The following CLYBL variants were observed in gnomAD, a reference collection of about 807,000 sequenced individuals.
CLYBL encodes citramalyl-CoA lyase.
Under a neutral mutation model 38.9 loss-of-function variants are expected in CLYBL, and 31 were observed. The observed-to-expected ratio is 0.80, with a 90% CI of 0.60 to 1.08. The LOEUF is 1.08. Among genes scored for constraint, CLYBL ranks in the 50% least tolerant of loss-of-function variants. The pLI is 0.00. For missense variants in CLYBL, 434 were observed against 411.6 expected, an observed-to-expected ratio of 1.05 and a Z score of -0.47; for synonymous variants, 171 against 158.6, an observed-to-expected ratio of 1.08 and a Z score of -0.59.
chr13:99,679,943 C>T (rs536555593), intron 1 of CLYBL, among the ~76,000 whole-genome samples: 1 of 152,192 alleles, frequency 6.6e-6, no homozygotes, highest in Non-Finnish European at 1.5e-5. Flanking sequence ...AATGCATGTA[C>T]TTAGGCATTA....
At chr13:99,660,711 C>T (rs918390325) in intron 1 of CLYBL, among the ~76,000 whole-genome samples, 2 of 152,092 alleles carry the variant, frequency 1.3e-5, no homozygotes, top group African/African-American at 4.8e-5. Context: ...CTATGTATCC[C>T]GTCTACATAA....
chr13:99,717,652 G>A (rs1460401387), intron 1 of CLYBL, among the ~76,000 whole-genome samples: 1 of 151,802 alleles, frequency 6.6e-6, no homozygotes, highest in African/African-American at 2.4e-5. Flanking sequence ...TAGTGATGGG[G>A]TTTTGCCATA....
At chr13:99,844,502 G>T (rs1341216242) in intron 2 of CLYBL, among the ~76,000 whole-genome samples, 1 of 152,192 alleles carries the variant, frequency 6.6e-6, no homozygotes. Flanking sequence ...GGACACCATT[G>T]GTCCTCTCTG....
chr13:99,680,245 C>T (rs2047715864), intron 1 of CLYBL, among the ~76,000 whole-genome samples: 1 of 152,170 alleles, frequency 6.6e-6, no homozygotes, highest in Admixed American at 6.5e-5. Flanking sequence ...TTCTAGAGCA[C>T]CATTTGTACT....
chr13:99,836,378 G>A (rs1180179908), intron 2 of CLYBL, among the ~76,000 whole-genome samples: 3 of 152,222 alleles, frequency 2.0e-5, no homozygotes, highest in African/African-American at 7.2e-5. Context: ...AGCACACAGA[G>A]TGGACAGTGT....
rs753874414 is a variant in CLYBL, at chr13:99,620,778, AAAAG to A, written c.62+14033_62+14036del. Among the ~76,000 whole-genome samples, 238 of 151,522 alleles carry A rather than the reference AAAAG, an allele frequency of 1.6e-3. 1 individual carries two copies. The highest frequency in any genetic ancestry group is 3.9e-3 in the African/African-American group (160 of 41,304). On this transcript the variant is annotated intron_variant, in intron 1 of 8. Transcript: ENST00000339105. The stretch of plus-strand genomic sequence containing the variant: ...GGTGACAGTGAGACTCTGTCTCAAA[AAAAG>A]AAAGAAAGAAAAAGAGAGAGAGAGA...
intron 2 of CLYBL, among the ~76,000 whole-genome samples, chr13:99,853,466 A>C (rs2051380556): frequency 6.6e-6 from 1 of 152,246 alleles, no homozygotes; most frequent in Non-Finnish European, 1.5e-5. Flanking sequence ...ATCAGCACAT[A>C]CAATTTTAAG....
Position 99,638,705 on chromosome 13 carries a change from T to G in CLYBL, c.62+31948T>G, listed in dbSNP as rs111291411. ...ACAACTGTGTGAGATAAGTTTTATT[T>G]ATTGTTACCATTTTTCCAAGGAGGA... On this transcript the variant is annotated intron_variant, in intron 1 of 8. Transcript: ENST00000339105. Among the ~76,000 whole-genome samples the G allele has an allele frequency of 4.8e-3, 730 of 152,348 alleles. 10 individuals carry two copies. The highest frequency in any genetic ancestry group is 0.016 in the African/African-American group (669 of 41,568).
At chr13:99,625,767 A>T (rs1198132613) in intron 1 of CLYBL, among the ~76,000 whole-genome samples, 1 of 152,198 alleles carries the variant, frequency 6.6e-6, no homozygotes, top group East Asian at 1.9e-4. Context: ...TCCCTCCTTT[A>T]TACATTCTTC....
At chr13:99,899,598 G>A (rs1409580398), downstream of CLYBL, among the ~76,000 whole-genome samples, 18 of 152,066 alleles carry the variant, frequency 1.2e-4, no homozygotes, top group Admixed American at 1.1e-3. Context: ...AGAAGAGGAG[G>A]GCTATGGTGG....
intron 1 of CLYBL, among the ~76,000 whole-genome samples, chr13:99,713,334 C>CTTTTTTTTTT (rs759844768): frequency 9.8e-6 from 1 of 101,682 alleles, no homozygotes; most frequent in Non-Finnish European, 2.0e-5. Flanking sequence ...TTCTCTATTT[C>CTTTTTTTTTT]TTTTTTTTTT....
chr13:99,865,160 C>T lies in CLYBL; in HGVS notation c.634+249C>T. ...TATAAAAGACACGAGCAATAGAAAGCCTGTTGCAGCCCCAGGCATGCTCAG... is the reference window on the plus strand; with the variant it reads ...TATAAAAGACACGAGCAATAGAAAGTCTGTTGCAGCCCCAGGCATGCTCAG... On this transcript the variant is annotated intron_variant, in intron 5 of 8. Transcript: ENST00000339105. The surrounding 1 kb of genome is among the most constrained non-coding windows in gnomAD (Gnocchi z 4.7). The T allele has an allele frequency of 2.2e-6, 1 of 464,308 alleles. No homozygotes were observed. Among genetic ancestry groups the T allele is most frequent in the South Asian group, 1.9e-5 (1 of 52,364 alleles). The allele number at this position is 464,308 out of a possible 1,614,324, so 28.8% of individuals were successfully genotyped here.
intron 1 of CLYBL, among the ~76,000 whole-genome samples, chr13:99,613,136 C>A (rs1161681514): frequency 6.6e-6 from 1 of 151,982 alleles, no homozygotes; most frequent in Non-Finnish European, 1.5e-5. Context: ...CCTGTAATCT[C>A]TTTTCATTTC....
intron 1 of CLYBL, among the ~76,000 whole-genome samples, chr13:99,708,502 G>A (rs184976089): frequency 2.0e-5 from 3 of 152,324 alleles, no homozygotes; most frequent in Admixed American, 1.3e-4. Context: ...GGACCCATGA[G>A]GGCCAGGTTC....
intron 1 of CLYBL, among the ~76,000 whole-genome samples, chr13:99,770,990 G>A (rs939561057): frequency 2.0e-4 from 30 of 147,192 alleles, no homozygotes; most frequent in African/African-American, 7.6e-4. Context: ...AAAGTGCCAG[G>A]ATTACAGGCG....
intron 1 of CLYBL, among the ~76,000 whole-genome samples, chr13:99,642,029 A>T (rs2047102288): frequency 2.6e-5 from 4 of 152,252 alleles, no homozygotes; most frequent in Admixed American, 2.6e-4. Flanking sequence ...ATGAAAACCC[A>T]TAGGACATGT....
At chr13:99,658,073 C>T (rs1310112320) in intron 1 of CLYBL, among the ~76,000 whole-genome samples, 1 of 152,198 alleles carries the variant, frequency 6.6e-6, no homozygotes, top group Non-Finnish European at 1.5e-5. Flanking sequence ...CTCTCGGCTG[C>T]AGCAGTGGGG....
intron 2 of CLYBL, among the ~76,000 whole-genome samples, chr13:99,818,523 A>G (rs1015773794): frequency 9.2e-5 from 14 of 151,998 alleles, no homozygotes; most frequent in Non-Finnish European, 1.9e-4. Flanking sequence ...CAGATTCGAC[A>G]TGAACAGGAA....
intron 1 of CLYBL, among the ~76,000 whole-genome samples, chr13:99,662,579 C>T (rs1412028720): frequency 8.2e-5 from 11 of 134,078 alleles, no homozygotes; most frequent in Non-Finnish European, 1.3e-4. Flanking sequence ...TTAGAGGAAC[C>T]CTTTTTTTTT....
Sources: gnomAD v4.1 joint callset for allele counts (sites outside exome capture counted in the v4.1 genomes callset) on GRCh38, gnomAD v4.1.1 for gene constraint, Gnocchi (gnomAD v3.1) non-coding constraint, MANE v1.5 for transcripts, NCBI Gene and HGNC (gene_info 2026-07-23, HGNC 2026-07-21) for gene names.